MED27: variants seen among roughly 807,000 people sequenced by gnomAD.
MED27 encodes mediator complex subunit 27, also known as mediator of RNA polymerase II transcription subunit 27.
MED27 carries 30 observed loss-of-function variants against 38.2 expected under a neutral mutation model. The ratio of observed to expected loss-of-function variants is 0.79; its 90% CI spans 0.59 to 1.07. The LOEUF (loss-of-function observed/expected upper bound fraction) is 1.07. MED27 is among the 50% of genes least tolerant of loss of function. MED27 has a pLI of 0.00. For synonymous variants in MED27, 122 were observed against 153.5 expected (o/e 0.79, Z 1.52); for missense variants, 289 against 397.5 (o/e 0.73, Z 2.32).
At chr9:132,042,222 C>T (rs116415327) in intron 2 of MED27, among the ~76,000 whole-genome samples, 525 of 152,310 alleles carry the variant, frequency 3.4e-3, no homozygotes, top group African/African-American at 0.012. Context: ...ATGATGGTGA[C>T]GGCCATCACT....
At chr9:132,014,192 G>A in intron 3 of MED27, 145 bp downstream of exon 3, 1 of 874,464 alleles carries the variant, frequency 1.1e-6, no homozygotes, top group Non-Finnish European at 1.7e-6. Flanking sequence ...ATTCCAGCCA[G>A]GGTGAAAAAG....
intron 2 of MED27, among the ~76,000 whole-genome samples, chr9:132,017,411 T>C (rs1832628491): frequency 1.3e-5 from 2 of 152,230 alleles, no homozygotes; most frequent in Non-Finnish European, 2.9e-5. Context: ...TATAAAAATA[T>C]ATTTCAATAA....
At chr9:132,048,477 T>C (rs1303361959) in intron 2 of MED27, among the ~76,000 whole-genome samples, 1 of 152,240 alleles carries the variant, frequency 6.6e-6, no homozygotes, top group Non-Finnish European at 1.5e-5. Context: ...CATTCCAAAG[T>C]AGTTTGGTCT....
At chr9:131,999,516 A>G (rs1223374739) in intron 3 of MED27, among the ~76,000 whole-genome samples, 1 of 152,210 alleles carries the variant, frequency 6.6e-6, no homozygotes, top group Non-Finnish European at 1.5e-5. Flanking sequence ...TTCTGGATCC[A>G]AAAGGCCTCT....
intron 2 of MED27, among the ~76,000 whole-genome samples, chr9:132,018,139 A>G (rs987995124): frequency 5.9e-5 from 9 of 152,170 alleles, no homozygotes; most frequent in African/African-American, 1.4e-4. Context: ...GAGGACCCCC[A>G]AACTCTAAAA....
chr9:132,074,614 T>C (rs1347008238), intron 2 of MED27, among the ~76,000 whole-genome samples: 1 of 152,254 alleles, frequency 6.6e-6, no homozygotes, highest in Admixed American at 6.5e-5. Context: ...AAAGGCAAGA[T>C]AAACACATAT....
intron 2 of MED27, among the ~76,000 whole-genome samples, chr9:132,060,237 G>C (rs942302987): frequency 3.3e-5 from 5 of 152,158 alleles, no homozygotes; most frequent in Non-Finnish European, 1.5e-5. Context: ...CCCTGTTTTG[G>C]GGGAGGCAGT....
chr9:131,922,724 G>T (rs1448350615), intron 4 of MED27, among the ~76,000 whole-genome samples: 1 of 151,700 alleles, frequency 6.6e-6, no homozygotes, highest in Non-Finnish European at 1.5e-5. Flanking sequence ...TGCCATGTTG[G>T]TGTGCTGCAC....
At chr9:131,894,052 G>A (rs896516078) in intron 4 of MED27, 60 bp from the exon 5 acceptor site, 7 of 1,382,536 alleles carry the variant, frequency 5.1e-6, no homozygotes, top group Non-Finnish European at 7.2e-6. Context: ...TTGGGCAGGG[G>A]TGTGAGAAGA....
intron 2 of MED27, among the ~76,000 whole-genome samples, chr9:132,031,422 T>C (rs1832957779): frequency 6.6e-6 from 1 of 152,228 alleles, no homozygotes; most frequent in African/African-American, 2.4e-5. Flanking sequence ...ATCTTCATCT[T>C]CCATGGCAGA....
Position 132,071,694 on chromosome 9 carries a change from G to A in MED27, c.348+5748C>T, listed in dbSNP as rs542312258. 7.2e-4 allele frequency among the ~76,000 whole-genome samples: 110 copies of A among 151,774 alleles called. 1 individual carries two copies. Among genetic ancestry groups the A allele is most frequent in the Non-Finnish European group, 1.2e-4 (8 of 67,958 alleles). Reference sequence around the variant, plus strand: ...CATGAATGAGCACACGTGTATACGAGTAACACGCGTCCATGAACAAGCACA... The same window carrying A: ...CATGAATGAGCACACGTGTATACGAATAACACGCGTCCATGAACAAGCACA... On this transcript the variant is annotated intron_variant, in intron 2 of 7. Coordinates refer to ENST00000292035, the MANE Select transcript of MED27 (RefSeq NM_004269.4).
intron 3 of MED27, among the ~76,000 whole-genome samples, chr9:132,002,423 A>G (rs1339166177): frequency 1.3e-5 from 2 of 152,200 alleles, no homozygotes; most frequent in East Asian, 3.8e-4. Flanking sequence ...AAGCTAGGAG[A>G]CAAACCCACT....
At chr9:131,864,221 C>A (rs1838698380) in intron 6 of MED27, among the ~76,000 whole-genome samples, 1 of 152,204 alleles carries the variant, frequency 6.6e-6, no homozygotes, top group African/African-American at 2.4e-5. Flanking sequence ...TGCCTCATGC[C>A]TGTAATCCCA....
chr9:131,930,487 A>C (rs1236621055), intron 4 of MED27, among the ~76,000 whole-genome samples: 6 of 152,162 alleles, frequency 3.9e-5, no homozygotes, highest in Non-Finnish European at 8.8e-5. Context: ...AAGGAAAAAA[A>C]CTTTTACCCT....
intron 5 of MED27, among the ~76,000 whole-genome samples, chr9:131,886,490 A>C (rs1031669030): frequency 6.6e-6 from 1 of 152,160 alleles, no homozygotes; most frequent in Non-Finnish European, 1.5e-5. Context: ...TCAACAGATC[A>C]TCCTCCTTCT....
chr9:131,885,236 T>C (rs1701169657), intron 5 of MED27, among the ~76,000 whole-genome samples: 1 of 152,226 alleles, frequency 6.6e-6, no homozygotes, highest in African/African-American at 2.4e-5. Flanking sequence ...CATCACAGTC[T>C]TATTCTCCAG....
chr9:131,952,327 GCAC>G (rs1400639649), intron 3 of MED27, among the ~76,000 whole-genome samples: 1 of 152,218 alleles, frequency 6.6e-6, no homozygotes, highest in African/African-American at 2.4e-5. Flanking sequence ...TTCAGCAGAG[GCAC>G]CAGCAGCAGA....
Position 132,049,084 on chromosome 9 carries a change from A to G in MED27, c.348+28358T>C, listed in dbSNP as rs140345604. Reference sequence around the variant, plus strand: ...AGCAACCAATCAGTTTTGGTGAAACAACCTTGGACAAGACGAAAGAGCACA... The same window carrying G: ...AGCAACCAATCAGTTTTGGTGAAACGACCTTGGACAAGACGAAAGAGCACA... On this transcript the variant is annotated intron_variant, in intron 2 of 7. Transcript: ENST00000292035. Among the ~76,000 whole-genome samples the G allele has an allele frequency of 3.4e-3, 521 of 152,308 alleles. 7 individuals are homozygous for G. The highest frequency in any genetic ancestry group is 0.022 in the East Asian group (112 of 5,178).
chr9:131,992,298 A>C (rs1388715277), intron 3 of MED27, among the ~76,000 whole-genome samples: 1 of 152,212 alleles, frequency 6.6e-6, no homozygotes, highest in Admixed American at 6.5e-5. Flanking sequence ...CATTAACAGA[A>C]TCTTTGAGAT....
Sources: gnomAD v4.1 joint callset for allele counts (sites outside exome capture counted in the v4.1 genomes callset) on GRCh38, gnomAD v4.1.1 for gene constraint, MANE v1.5 for transcripts, NCBI Gene and HGNC (gene_info 2026-07-23, HGNC 2026-07-21) for gene names.